The following ALPK2 variants were observed in gnomAD, a reference collection of about 807,000 sequenced individuals.
The protein encoded by ALPK2 is alpha kinase 2.
Under a neutral mutation model 163.1 loss-of-function variants are expected in ALPK2, and 127 were observed. The ratio of observed to expected loss-of-function variants is 0.78; its 90% confidence interval spans 0.67 to 0.90. The LOEUF (loss-of-function observed/expected upper bound fraction) is 0.90. Ranked by LOEUF, ALPK2 falls within the 40% of genes least tolerant of loss-of-function variation. The pLI, the probability that ALPK2 is intolerant of heterozygous loss-of-function variation, is 0.00. For synonymous variants in ALPK2, 953 were observed against 959.1 expected, an observed-to-expected ratio of 0.99 and a Z score of 0.12; for missense variants, 2,360 against 2,589.6, an observed-to-expected ratio of 0.91 and a Z score of 1.92.
At chr18:58,555,200 A>G in intron 4 of ALPK2, among the ~76,000 whole-genome samples, 1 of 152,244 alleles carries the variant, frequency 6.6e-6, no homozygotes, top group Non-Finnish European at 1.5e-5. Context: ...GAGTTGTTCG[A>G]GTAACAACTG....
intron 4 of ALPK2, among the ~76,000 whole-genome samples, chr18:58,574,476 G>C (rs2051908785): frequency 1.4e-5 from 2 of 145,880 alleles, no homozygotes; most frequent in African/African-American, 5.1e-5. Context: ...GGATGGTTTA[G>C]AACAGGGGTC....
intron 12 of ALPK2, among the ~76,000 whole-genome samples, chr18:58,488,707 T>C (rs10871756): frequency 0.16 from 23,740 of 151,724 alleles, 1,997 homozygotes; most frequent in East Asian, 0.38. Flanking sequence ...TTTTAACGCA[T>C]AGGGAAAGGC....
At chr18:58,523,761 A>G in intron 8 of ALPK2, 45 bp downstream of exon 8, 1 of 1,612,972 alleles carries the variant, frequency 6.2e-7, no homozygotes, top group Non-Finnish European at 8.5e-7. Context: ...TTTATGCTTT[A>G]CAGTAAGCCC....
At chr18:58,615,953 T>C (rs1472517533) in intron 1 of ALPK2, among the ~76,000 whole-genome samples, 2 of 152,224 alleles carry the variant, frequency 1.3e-5, no homozygotes, top group African/African-American at 4.8e-5. Context: ...GAGCACTGAC[T>C]GTACTCTGGA....
chr18:58,515,257 G>T (rs4310952), intron 9 of ALPK2, among the ~76,000 whole-genome samples, 176 bp from the exon 10 acceptor site: 26,142 of 152,140 alleles, frequency 0.17, 2,784 homozygotes, highest in South Asian at 0.34. Context: ...GGCCACTTAG[G>T]GAGGAGCTCT....
intron 12 of ALPK2, among the ~76,000 whole-genome samples, chr18:58,489,347 T>C (rs151059732): frequency 1.3e-5 from 2 of 152,300 alleles, no homozygotes; most frequent in African/African-American, 4.8e-5. Context: ...ACAAGAGTCT[T>C]TGAAATTCTG....
intron 4 of ALPK2, among the ~76,000 whole-genome samples, chr18:58,575,548 C>T (rs972204704): frequency 5.9e-5 from 9 of 152,142 alleles, no homozygotes; most frequent in Non-Finnish European, 8.8e-5. Flanking sequence ...GGAGCACAGA[C>T]GCAGCACTTC....
Position 58,579,526 on chromosome 18 carries a change from ACT to A in ALPK2, c.1248_1249del (p.Arg416SerfsTer34), listed in dbSNP as rs1466157106. On this transcript the variant is annotated frameshift_variant, in exon 4 of 13. Coordinates refer to ENST00000361673, the MANE Select transcript of ALPK2 (RefSeq NM_052947.4). LOFTEE classifies it high-confidence loss of function. Reference sequence around the variant, plus strand: ...TGGGGATGAGGGACCGTGCTTGGAGACTCTGCTGCTCCTCACCCCAACTTCTT... The same window carrying A: ...TGGGGATGAGGGACCGTGCTTGGAGACTGCTGCTCCTCACCCCAACTTCTT... 6.2e-7 allele frequency: 1 copy of A among 1,613,356 alleles called. No homozygotes were observed. Among genetic ancestry groups the A allele is most frequent in the Non-Finnish European group, 8.5e-7 (1 of 1,179,890 alleles).
At chr18:58,491,056 C>T (rs1303753607) in intron 12 of ALPK2, among the ~76,000 whole-genome samples, 1 of 152,224 alleles carries the variant, frequency 6.6e-6, no homozygotes, top group Non-Finnish European at 1.5e-5. Flanking sequence ...TGTCCTAAGC[C>T]CCAGAGCTCT....
At chr18:58,550,536 ATCCCAT>A (rs1568082613) in intron 4 of ALPK2, among the ~76,000 whole-genome samples, 66 of 152,120 alleles carry the variant, frequency 4.3e-4, no homozygotes, top group South Asian at 8.3e-4. Flanking sequence ...ATCACCTACA[ATCCCAT>A]CCCCATCTCT....
At position 58,537,263 on chromosome 18, in the gene ALPK2, G is replaced by C; in HGVS notation, c.2924C>G (p.Pro975Arg). The change falls in exon 5 of 13, where the codon CCA becomes CGA. Residue 975 changes from proline (P) to arginine (R), a missense_variant. Transcript: ENST00000361673. Reference protein sequence around the residue: ...SPSAADTTATPASYSSIVSFP... With the variant: ...SPSAADTTATRASYSSIVSFP... Reference sequence around the variant, plus strand: ...ACTCACAATTGAACTATAACTGGCTGGTGTGGCTGTGGTGTCTGCGGCACT... The same window carrying C: ...ACTCACAATTGAACTATAACTGGCTCGTGTGGCTGTGGTGTCTGCGGCACT... 6.2e-7 allele frequency: 1 copy of C among 1,614,148 alleles called. No individual in the cohort carries two copies. The highest frequency in any genetic ancestry group is 8.5e-7 in the Non-Finnish European group (1 of 1,179,998).
intron 1 of ALPK2, among the ~76,000 whole-genome samples, chr18:58,625,809 C>T (rs879054700): frequency 6.6e-6 from 1 of 152,208 alleles, no homozygotes; most frequent in African/African-American, 2.4e-5. Flanking sequence ...ACTGAACTCT[C>T]GGAATTGAGC....
intron 10 of ALPK2, among the ~76,000 whole-genome samples, chr18:58,512,766 A>ATGTGTGTGGTGTGTGTGGTGTGTGGGGG (rs1568070745): frequency 2.8e-5 from 3 of 107,578 alleles, no homozygotes; most frequent in African/African-American, 1.1e-4. Context: ...GTGTATGTGT[A>ATGTGTGTGGTGTGTGTGGTGTGTGGGGG]TGTGTGTGGT....
At chr18:58,573,728 A>C (rs2051903964) in intron 4 of ALPK2, among the ~76,000 whole-genome samples, 1 of 150,532 alleles carries the variant, frequency 6.6e-6, no homozygotes, top group African/African-American at 2.5e-5. Flanking sequence ...GCAGATAAAC[A>C]TTTTTGTCTT....
intron 6 of ALPK2, among the ~76,000 whole-genome samples, chr18:58,526,018 T>C (rs948863056): frequency 3.4e-5 from 5 of 147,422 alleles, no homozygotes; most frequent in African/African-American, 1.2e-4. Context: ...GGTCTTCTAG[T>C]CTGGGAGGAA....
chr18:58,537,246 T>C lies in ALPK2; in HGVS notation c.2941A>G (p.Ile981Val), dbSNP rs2051655689. ...TTATPASYSS[I>V]VSFPWEKPTT... ...GGCTTCTCCCAAGGAAAACTCACAA[T>C]TGAACTATAACTGGCTGGTGTGGCT... Residue 981 changes from isoleucine to valine, a missense_variant, in exon 5 of 13, where the codon ATT becomes GTT. Coordinates refer to ENST00000361673, the MANE Select transcript of ALPK2 (RefSeq NM_052947.4). 1.2e-6 allele frequency: 2 copies of C among 1,614,212 alleles called. No homozygotes were observed. The highest frequency in any genetic ancestry group is 1.7e-6 in the Non-Finnish European group (2 of 1,180,020).
chr18:58,508,991 A>G (rs1264314572), intron 10 of ALPK2, among the ~76,000 whole-genome samples: 1 of 150,092 alleles, frequency 6.7e-6, no homozygotes, highest in Non-Finnish European at 1.5e-5. Context: ...CCATTAACTC[A>G]TCATTTAACA....
intron 12 of ALPK2, among the ~76,000 whole-genome samples, chr18:58,483,529 C>CTTTATTTATTTA (rs144938882): frequency 0.023 from 3,321 of 142,810 alleles, 67 homozygotes; most frequent in Middle Eastern, 0.052. Flanking sequence ...GTCCTACTCA[C>CTTTATTTATTTA]TTTATTTATT....
chr18:58,628,213 G>T (rs2052241709), intron 1 of ALPK2, among the ~76,000 whole-genome samples: 1 of 151,958 alleles, frequency 6.6e-6, no homozygotes, highest in Non-Finnish European at 1.5e-5. Context: ...ATTTTGAAAA[G>T]CCTGATAGCT....
Sources: allele counts gnomAD v4.1 joint callset (sites outside exome capture counted in the v4.1 genomes callset), GRCh38; gene constraint gnomAD v4.1.1; transcripts MANE v1.5; gene names NCBI Gene and HGNC (gene_info 2026-07-23, HGNC 2026-07-21).